Variants in RASGRF2 observed in about 807,000 individuals in gnomAD.
RASGRF2 encodes the protein Ras protein specific guanine nucleotide releasing factor 2.
In RASGRF2, 76 loss-of-function variants were observed where a neutral mutation model predicts 151.0. That is an observed-to-expected ratio of 0.50 (90% CI 0.42 to 0.61). RASGRF2 has a LOEUF of 0.61. RASGRF2 is among the 20% of genes least tolerant of loss of function. RASGRF2 has a pLI of 0.00. For synonymous variants in RASGRF2, 504 were observed against 566.5 expected, an observed-to-expected ratio of 0.89 and a Z score of 1.57; for missense variants, 1,148 against 1,564.6, an observed-to-expected ratio of 0.73 and a Z score of 4.49.
At chr5:80,990,568 G>T (rs1360261427) in intron 1 of RASGRF2, among the ~76,000 whole-genome samples, 3 of 152,164 alleles carry the variant, frequency 2.0e-5, no homozygotes, top group African/African-American at 7.2e-5. Context: ...GCTCTTTGTG[G>T]CAGGAGCCCT....
chr5:80,984,342 T>TA (rs372021734), intron 1 of RASGRF2, among the ~76,000 whole-genome samples: 305 of 152,324 alleles, frequency 2.0e-3, no homozygotes, highest in African/African-American at 7.1e-3. Flanking sequence ...CATGAGCCAC[T>TA]GCACCTGGCC....
intron 1 of RASGRF2, among the ~76,000 whole-genome samples, chr5:81,010,274 A>AT (rs1749414876): frequency 6.6e-6 from 1 of 152,010 alleles, no homozygotes; most frequent in African/African-American, 2.4e-5. Context: ...GCCTCTCTGT[A>AT]TTTTCCGTAT....
In RASGRF2 at chr5:81,112,867, A is replaced by G. The variant is rs1025126716; in HGVS notation, c.2087+9A>G. 2.5e-6 allele frequency: 4 copies of G among 1,614,128 alleles called. No homozygotes were observed. Among genetic ancestry groups the G allele is most frequent in the Middle Eastern group, 1.7e-4 (1 of 6,048 alleles). ...ACCTCCATCCCTGTCAGGTACACCT[A>G]TTGCTAGAGGTTAGCCTGTCATTCG... On this transcript the variant is annotated intron_variant, in intron 14 of 26. Coordinates refer to ENST00000265080, the MANE Select transcript of RASGRF2 (RefSeq NM_006909.3).
intron 1 of RASGRF2, among the ~76,000 whole-genome samples, chr5:81,005,975 A>G (rs1043427207): frequency 2.6e-5 from 4 of 152,168 alleles, no homozygotes; most frequent in African/African-American, 7.2e-5. Context: ...TTATCGGACA[A>G]TCTTTAAGGT....
intron 1 of RASGRF2, among the ~76,000 whole-genome samples, chr5:81,032,069 G>A (rs1476785725): frequency 6.6e-6 from 1 of 152,038 alleles, no homozygotes; most frequent in Non-Finnish European, 1.5e-5. Context: ...ATAAATTCCT[G>A]GACACATACA....
chr5:81,198,443 AT>A (rs34980516), intron 18 of RASGRF2, among the ~76,000 whole-genome samples: 46,657 of 146,954 alleles, frequency 0.32, 7,464 homozygotes, highest in Middle Eastern at 0.5. Flanking sequence ...ATAGAACATG[AT>A]TTTTTTTTTT....
intron 1 of RASGRF2, among the ~76,000 whole-genome samples, chr5:80,990,763 G>T (rs1338620952): frequency 1.3e-5 from 2 of 152,126 alleles, no homozygotes; most frequent in African/African-American, 4.8e-5. Context: ...GAATTCCTTG[G>T]TGTAAATCTG....
intron 13 of RASGRF2, among the ~76,000 whole-genome samples, chr5:81,112,285 T>G (rs1454659176): frequency 6.6e-6 from 1 of 152,202 alleles, no homozygotes; most frequent in African/African-American, 2.4e-5. Context: ...AAATACAGGA[T>G]AACGTTTTAC....
intron 1 of RASGRF2, among the ~76,000 whole-genome samples, chr5:81,001,708 A>G (rs188794087): frequency 5.1e-4 from 77 of 152,274 alleles, no homozygotes; most frequent in Non-Finnish European, 1.0e-3. Context: ...TTTCGAGACA[A>G]TTGTACCCTG....
rs1754453481 is a variant in RASGRF2 at position 81,164,196 on chromosome 5, G to T, written c.2687-15979G>T. ...ATTTCCTAGGCCATTTAACCCAGAG[G>T]TCTTCTACCTCTGAAGAGTAAGACA... On this transcript the variant is annotated intron_variant, in intron 17 of 26. Transcript: ENST00000265080. Among the ~76,000 whole-genome samples the T allele has an allele frequency of 2.0e-5, 3 of 152,018 alleles. 1 individual carries two copies.
At chr5:81,216,813 G>C (rs79837333) in intron 24 of RASGRF2, among the ~76,000 whole-genome samples, 5,506 of 152,296 alleles carry the variant, frequency 0.036, 127 homozygotes, top group Middle Eastern at 0.071. Flanking sequence ...AGTATACCCA[G>C]CTCTCTCTAA....
chr5:81,171,945 C>A (rs1431538732), intron 17 of RASGRF2, among the ~76,000 whole-genome samples: 5 of 152,178 alleles, frequency 3.3e-5, no homozygotes, highest in African/African-American at 1.2e-4. Flanking sequence ...AAGCTGATGA[C>A]AGCAGCGATG....
intron 12 of RASGRF2, among the ~76,000 whole-genome samples, chr5:81,101,478 AT>A (rs10716707): frequency 0.11 from 15,546 of 147,844 alleles, 970 homozygotes; most frequent in African/African-American, 0.17. Flanking sequence ...TCCAGGAGCC[AT>A]TTTTTTTTTT....
At position 80,960,623 on chromosome 5, in the gene RASGRF2, G is replaced by A; in HGVS notation, c.-116G>A. On this transcript the variant is annotated 5_prime_UTR_variant, in exon 1 of 27. Coordinates refer to ENST00000265080, the MANE Select transcript of RASGRF2 (RefSeq NM_006909.3). The surrounding 1 kb of genome is among the most constrained non-coding windows in gnomAD (Gnocchi z 5.5). ...CCCTGCGCGCGGCGTGGGGAAAGGG[G>A]GCGCCCTTCGCCGGCCGGGACCTGA... 2.0e-6 allele frequency: 2 copies of A among 1,024,160 alleles called. No homozygotes were observed. The highest frequency in any genetic ancestry group is 2.5e-6 in the Non-Finnish European group (2 of 797,918). 63.4% of individuals were successfully genotyped at this position (1,024,160 alleles called of 1,614,324 possible). A position where few individuals can be genotyped will look rare whatever the true frequency, so the allele number is the denominator to read the frequency against.
At chr5:81,147,007 T>C (rs1255728590) in intron 17 of RASGRF2, among the ~76,000 whole-genome samples, 2 of 152,200 alleles carry the variant, frequency 1.3e-5, no homozygotes, top group African/African-American at 2.4e-5. Flanking sequence ...AGGCATTGCT[T>C]CTACTCTTTA....
At chr5:81,098,541 G>T (rs1042290944) in intron 12 of RASGRF2, among the ~76,000 whole-genome samples, 1 of 152,160 alleles carries the variant, frequency 6.6e-6, no homozygotes, top group Non-Finnish European at 1.5e-5. Flanking sequence ...CAGTGCAACC[G>T]GAGAACAGCC....
At chr5:81,123,442 G>C (rs1203336865) in intron 15 of RASGRF2, among the ~76,000 whole-genome samples, 200 bp from the exon 16 acceptor site, 1 of 152,166 alleles carries the variant, frequency 6.6e-6, no homozygotes, top group African/African-American at 2.4e-5. Context: ...GGTCAGCCAG[G>C]CCCAACAGGG....
intron 1 of RASGRF2, among the ~76,000 whole-genome samples, chr5:80,973,305 AG>A (rs1216682824): frequency 2.0e-5 from 3 of 152,210 alleles, no homozygotes; most frequent in Non-Finnish European, 2.9e-5. Context: ...GAAGTCTCCA[AG>A]GACAATTCTG....
At chr5:81,036,570 A>G (rs1750502190) in intron 1 of RASGRF2, among the ~76,000 whole-genome samples, 1 of 151,902 alleles carries the variant, frequency 6.6e-6, no homozygotes, top group African/African-American at 2.4e-5. Context: ...GTATGTCCTT[A>G]TTTTTTGGTA....
Sources: gnomAD v4.1 joint callset for allele counts (sites outside exome capture counted in the v4.1 genomes callset) on GRCh38, gnomAD v4.1.1 for gene constraint, Gnocchi (gnomAD v3.1) non-coding constraint, MANE v1.5 for transcripts, NCBI Gene and HGNC (gene_info 2026-07-23, HGNC 2026-07-21) for gene names.